GALNTL6: variants seen among roughly 807,000 people sequenced by gnomAD.
The protein encoded by GALNTL6 is polypeptide N-acetylgalactosaminyltransferase like 6.
Under a neutral mutation model 73.7 loss-of-function variants are expected in GALNTL6, and 46 were observed. That is an observed-to-expected ratio of 0.62 (90% CI 0.49 to 0.80). GALNTL6 has a LOEUF of 0.80. Ranked by LOEUF, GALNTL6 falls within the 30% of genes least tolerant of loss-of-function variation. GALNTL6 has a pLI of 0.00. For synonymous variants in GALNTL6, 259 were observed against 263.7 expected, an observed-to-expected ratio of 0.98 and a Z score of 0.17; for missense variants, 604 against 755.0, an observed-to-expected ratio of 0.80 and a Z score of 2.34.
At chr4:172,023,030 T>C (rs1381710480) in intron 2 of GALNTL6, among the ~76,000 whole-genome samples, 1 of 151,988 alleles carries the variant, frequency 6.6e-6, no homozygotes, top group African/African-American at 2.4e-5. Flanking sequence ...TTCTACCAAA[T>C]GCAAGAATCC....
intron 10 of GALNTL6, among the ~76,000 whole-genome samples, chr4:172,958,545 C>T (rs558404937): frequency 1.3e-5 from 2 of 152,050 alleles, no homozygotes; most frequent in African/African-American, 2.4e-5. Flanking sequence ...TATCTAAAGT[C>T]GAAAGTATCC....
At chr4:172,850,752 C>A (rs1416358354) in intron 7 of GALNTL6, among the ~76,000 whole-genome samples, 1 of 152,124 alleles carries the variant, frequency 6.6e-6, no homozygotes, top group African/African-American at 2.4e-5. Context: ...TTCCCATGAC[C>A]CCTTTTACGG....
intron 10 of GALNTL6, among the ~76,000 whole-genome samples, chr4:172,997,039 T>C (rs1751827434): frequency 1.3e-5 from 2 of 152,168 alleles, no homozygotes; most frequent in South Asian, 4.1e-4. Context: ...TCTCCATCCC[T>C]TGGCAGCCCC....
intron 5 of GALNTL6, among the ~76,000 whole-genome samples, chr4:172,775,614 C>G (rs1351365307): frequency 1.3e-5 from 2 of 152,148 alleles, no homozygotes; most frequent in Non-Finnish European, 2.9e-5. Flanking sequence ...TTAAAACCAA[C>G]ACTTCAGGGT....
chr4:172,628,924 C>A (rs1391539729), intron 5 of GALNTL6, among the ~76,000 whole-genome samples: 1 of 152,042 alleles, frequency 6.6e-6, no homozygotes, highest in Non-Finnish European at 1.5e-5. Context: ...ACTTTGTAAT[C>A]CACTTTTCTG....
intron 2 of GALNTL6, among the ~76,000 whole-genome samples, chr4:172,045,623 C>T (rs1446638432): frequency 6.6e-6 from 1 of 151,810 alleles, no homozygotes; most frequent in African/African-American, 2.4e-5. Flanking sequence ...AACTACTGTT[C>T]CTTTTTAGGC....
intron 2 of GALNTL6, among the ~76,000 whole-genome samples, chr4:171,948,186 G>A (rs1345010552): frequency 1.3e-5 from 2 of 151,138 alleles, no homozygotes; most frequent in East Asian, 1.9e-4. Context: ...AAAAAAAAAT[G>A]ACAGTGAATG....
At chr4:172,322,032 G>T (rs948856917) in intron 4 of GALNTL6, among the ~76,000 whole-genome samples, 2 of 152,094 alleles carry the variant, frequency 1.3e-5, no homozygotes, top group Non-Finnish European at 2.9e-5. Flanking sequence ...GGAACATTCC[G>T]ATTGGTAAGA....
At chr4:172,656,835 G>A (rs1731053469) in intron 5 of GALNTL6, among the ~76,000 whole-genome samples, 1 of 152,164 alleles carries the variant, frequency 6.6e-6, no homozygotes, top group Non-Finnish European at 1.5e-5. Context: ...ACAGTCTACT[G>A]GGGAAAGAAA....
chr4:172,712,080 T>G (rs539617785), intron 5 of GALNTL6, among the ~76,000 whole-genome samples: 2 of 152,242 alleles, frequency 1.3e-5, no homozygotes, highest in South Asian at 4.1e-4. Flanking sequence ...CCATGTAGAT[T>G]TCTGTGTAGG....
intron 2 of GALNTL6, among the ~76,000 whole-genome samples, chr4:171,819,360 G>A (rs28435231): frequency 0.019 from 2,840 of 152,146 alleles, 86 homozygotes; most frequent in African/African-American, 0.065. Flanking sequence ...TTGCCCCATG[G>A]GAGACAGAGT....
intron 2 of GALNTL6, among the ~76,000 whole-genome samples, chr4:172,220,729 A>G (rs72998368): frequency 0.014 from 2,057 of 151,950 alleles, 43 homozygotes; most frequent in African/African-American, 0.046. Context: ...TGGATATTTC[A>G]ATTGTCTTCA....
At chr4:172,244,415 A>T (rs1737554236) in intron 3 of GALNTL6, among the ~76,000 whole-genome samples, 1 of 152,176 alleles carries the variant, frequency 6.6e-6, no homozygotes. Context: ...ATTAAAAGAT[A>T]TAAATAATGC....
intron 7 of GALNTL6, among the ~76,000 whole-genome samples, chr4:172,881,995 C>T (rs1188999900): frequency 6.6e-6 from 1 of 151,568 alleles, no homozygotes; most frequent in African/African-American, 2.4e-5. Flanking sequence ...AGATTTTTAT[C>T]CTTTAGACCA....
chr4:172,106,359 CTGT>C (rs1463881275), intron 2 of GALNTL6, among the ~76,000 whole-genome samples: 1 of 152,016 alleles, frequency 6.6e-6, no homozygotes, highest in Non-Finnish European at 1.5e-5. Context: ...CTGTAAAATC[CTGT>C]TAAGTAGAGA....
intron 5 of GALNTL6, among the ~76,000 whole-genome samples, chr4:172,744,128 A>G (rs1034865942): frequency 2.6e-4 from 9 of 34,644 alleles, no homozygotes; most frequent in African/African-American, 6.9e-4. Flanking sequence ...GCCTATCTCA[A>G]TTATGCATTC....
intron 5 of GALNTL6, among the ~76,000 whole-genome samples, chr4:172,500,397 G>A (rs1485619969): frequency 1.3e-5 from 2 of 152,074 alleles, no homozygotes; most frequent in African/African-American, 4.8e-5. Context: ...CTCCAGCCTG[G>A]GTGACAGAGA....
chr4:172,380,670 C>T (rs1002599058), intron 5 of GALNTL6, among the ~76,000 whole-genome samples: 33 of 152,278 alleles, frequency 2.2e-4, no homozygotes, highest in African/African-American at 7.7e-4. Context: ...AGAACTCTTT[C>T]CTTAAAGCTT....
At chr4:172,339,714 C>G (rs1019513613) in intron 4 of GALNTL6, among the ~76,000 whole-genome samples, 3 of 152,188 alleles carry the variant, frequency 2.0e-5, no homozygotes, top group Non-Finnish European at 4.4e-5. Flanking sequence ...AAAGGGCTCT[C>G]CCTTGGCCTG....
Sources: allele counts gnomAD v4.1 joint callset (sites outside exome capture counted in the v4.1 genomes callset), GRCh38; gene constraint gnomAD v4.1.1; transcripts MANE v1.5; gene names NCBI Gene and HGNC (gene_info 2026-07-23, HGNC 2026-07-21).